Variants in DAPK1 observed in about 807,000 individuals in gnomAD.
DAPK1 encodes the protein death associated protein kinase 1.
Under a neutral mutation model 144.9 loss-of-function variants are expected in DAPK1, and 56 were observed. That is an observed-to-expected ratio of 0.39 (90% confidence interval 0.31 to 0.48). The LOEUF is 0.48. Ranked by LOEUF, DAPK1 falls within the 20% of genes least tolerant of loss-of-function variation. The probability of loss-of-function intolerance (pLI) is 0.95; values close to 1 mark genes in which losing one functional copy is unlikely to be tolerated. For synonymous variants in DAPK1, 690 were observed against 749.0 expected, an observed-to-expected ratio of 0.92 and a Z score of 1.29; for missense variants, 1,454 against 1,875.4, an observed-to-expected ratio of 0.78 and a Z score of 4.15.
Position 87,706,332 on chromosome 9 carries a change from C to T in DAPK1, c.3261C>T (p.Ala1087=). 6.2e-7 allele frequency: 1 copy of T among 1,608,102 alleles called. No homozygotes were observed. Among genetic ancestry groups the T allele is most frequent in the Non-Finnish European group, 8.5e-7 (1 of 1,176,906 alleles). Residue 1087 remains alanine, a synonymous_variant, in exon 26 of 26, where the codon GCC becomes GCT. Coordinates refer to ENST00000408954, the MANE Select transcript of DAPK1 (RefSeq NM_004938.4). The surrounding 1 kb of genome is among the most constrained non-coding windows in gnomAD (Gnocchi z 9.0). ...DVEELLQILD[A]MDICARDLSS... ...AGGAGCTGCTGCAGATCCTCGATGC[C>T]ATGGACATCTGCGCCCGGGACCTGA...
chr9:87,535,543 C>A (rs992084463), intron 2 of DAPK1, among the ~76,000 whole-genome samples: 4 of 152,074 alleles, frequency 2.6e-5, no homozygotes, highest in Non-Finnish European at 5.9e-5. Flanking sequence ...ATATAATGTT[C>A]CTTTAATGTA....
intron 2 of DAPK1, among the ~76,000 whole-genome samples, chr9:87,565,223 A>G (rs751078525): frequency 4.7e-5 from 7 of 149,840 alleles, no homozygotes; most frequent in Non-Finnish European, 8.8e-5. Context: ...AGTTGAGAGC[A>G]TGAAAAACGA....
intron 2 of DAPK1, among the ~76,000 whole-genome samples, chr9:87,548,492 A>G (rs1383973638): frequency 6.6e-6 from 1 of 152,202 alleles, no homozygotes; most frequent in Non-Finnish European, 1.5e-5. Context: ...TAAGGTAGTC[A>G]ATAGAAAACA....
chr9:87,497,483 C>T (rs2117939544), upstream of DAPK1, among the ~76,000 whole-genome samples: 1 of 152,362 alleles, frequency 6.6e-6, no homozygotes, highest in Non-Finnish European at 1.5e-5. Context: ...GTGATTTTCC[C>T]ATACCAAGCA....
intron 2 of DAPK1, among the ~76,000 whole-genome samples, chr9:87,531,271 C>A (rs1825690702): frequency 6.6e-6 from 1 of 152,148 alleles, no homozygotes; most frequent in Non-Finnish European, 1.5e-5. Flanking sequence ...TGTTCACTGC[C>A]AGTAGCTGGC....
intron 2 of DAPK1, among the ~76,000 whole-genome samples, chr9:87,599,503 G>A (rs1828437175): frequency 6.6e-6 from 1 of 152,080 alleles, no homozygotes; most frequent in Non-Finnish European, 1.5e-5. Flanking sequence ...AATAAAATTG[G>A]TGATTACATT....
intron 2 of DAPK1, chr9:87,554,231 CA>C (rs1342150762): frequency 6.6e-6 from 1 of 152,162 alleles, no homozygotes; most frequent in East Asian, 1.9e-4. Flanking sequence ...TTGATTTTGC[CA>C]TTAGTAATCT....
intron 2 of DAPK1, among the ~76,000 whole-genome samples, chr9:87,594,162 G>A (rs943596344): frequency 6.6e-6 from 1 of 152,210 alleles, no homozygotes; most frequent in Non-Finnish European, 1.5e-5. Context: ...CATATGGAGT[G>A]TTGTTGTTTG....
intron 2 of DAPK1, among the ~76,000 whole-genome samples, chr9:87,601,470 GT>G (rs1485815519): frequency 1.7e-4 from 26 of 151,970 alleles, no homozygotes; most frequent in Non-Finnish European, 1.5e-5. Flanking sequence ...TTTAGCAATA[GT>G]TGTATACATC....
chr9:87,688,250 G>A (rs1388160214), intron 21 of DAPK1, among the ~76,000 whole-genome samples: 1 of 152,146 alleles, frequency 6.6e-6, no homozygotes, highest in Non-Finnish European at 1.5e-5. Context: ...CTCCATTCAT[G>A]TTGCTGCAAA....
chr9:87,553,158 T>TC (rs1156946006), intron 2 of DAPK1, among the ~76,000 whole-genome samples: 2 of 152,158 alleles, frequency 1.3e-5, no homozygotes, highest in African/African-American at 4.8e-5. Context: ...ATATTTAAGT[T>TC]CCAGCTGGCC....
Position 87,660,625 on chromosome 9 carries a change from C to T in DAPK1, c.1923+2498C>T, listed in dbSNP as rs117310019. On this transcript the variant is annotated intron_variant, in intron 18 of 25. Transcript: ENST00000408954. ...CCATCAAACAAACTCCCATCCTCCA[C>T]GCGCTTCCCTCCCCTTCACCCCTCC... Among the ~76,000 whole-genome samples, 1,405 of 152,138 alleles carry T rather than the reference C, an allele frequency of 9.2e-3. 17 individuals are homozygous for T. Among genetic ancestry groups the T allele is most frequent in the Middle Eastern group, 0.037 (11 of 294 alleles).
intron 3 of DAPK1, among the ~76,000 whole-genome samples, chr9:87,635,763 C>T (rs954832090): frequency 1.3e-5 from 2 of 152,174 alleles, no homozygotes; most frequent in African/African-American, 4.8e-5. Flanking sequence ...AAATGAGGCT[C>T]AAGAGAAGGG....
intron 1 of DAPK1, chr9:87,498,490 G>A (rs1375527495): frequency 4.0e-6 from 1 of 250,994 alleles, no homozygotes; most frequent in Non-Finnish European, 7.5e-6. Context: ...CGGGGAAGGG[G>A]AGAGGGTGGC....
At chr9:87,519,056 A>T (rs1825193419) in intron 2 of DAPK1, among the ~76,000 whole-genome samples, 1 of 152,172 alleles carries the variant, frequency 6.6e-6, no homozygotes, top group Non-Finnish European at 1.5e-5. Context: ...GACTGATAGG[A>T]GGAAGAGCAG....
chr9:87,550,046 T>G (rs1275944998), intron 2 of DAPK1, among the ~76,000 whole-genome samples: 1 of 152,158 alleles, frequency 6.6e-6, no homozygotes, highest in Non-Finnish European at 1.5e-5. Context: ...TTATATGTAG[T>G]GAAATGCAGA....
intron 2 of DAPK1, among the ~76,000 whole-genome samples, chr9:87,561,686 A>G (rs1826931094): frequency 6.6e-6 from 1 of 152,106 alleles, no homozygotes; most frequent in African/African-American, 2.4e-5. Flanking sequence ...TGGAAGTTTG[A>G]TAGGCATTGC....
At chr9:87,608,937 G>T (rs1165917032) in intron 3 of DAPK1, among the ~76,000 whole-genome samples, 1 of 152,210 alleles carries the variant, frequency 6.6e-6, no homozygotes, top group Non-Finnish European at 1.5e-5. Context: ...ACTGGACCAT[G>T]AGGATCCCAT....
intron 2 of DAPK1, 34 bp from the exon 3 acceptor site, chr9:87,604,920 G>A: frequency 6.3e-7 from 1 of 1,593,384 alleles, no homozygotes; most frequent in Non-Finnish European, 8.6e-7. Flanking sequence ...TTTTTTTTAT[G>A]AACGATAAAG....
Sources: gnomAD v4.1 joint callset for allele counts (sites outside exome capture counted in the v4.1 genomes callset) on GRCh38, gnomAD v4.1.1 for gene constraint, Gnocchi (gnomAD v3.1) non-coding constraint, MANE v1.5 for transcripts, NCBI Gene and HGNC (gene_info 2026-07-23, HGNC 2026-07-21) for gene names.